Variants in TMEM30A observed in about 807,000 individuals in gnomAD.
TMEM30A encodes the protein cell cycle control protein 50A.
In TMEM30A, 24 loss-of-function variants were observed where a neutral mutation model predicts 38.2. The observed-to-expected ratio is 0.63, with a 90% CI of 0.46 to 0.88. The LOEUF is 0.88. Ranked by LOEUF, TMEM30A falls within the 40% of genes least tolerant of loss-of-function variation. The pLI is 0.00. For missense variants in TMEM30A, 370 were observed against 458.6 expected (o/e 0.81, Z 1.77); for synonymous variants, 145 against 161.6 (o/e 0.90, Z 0.78).
rs971499769 is a variant in TMEM30A at position 75,283,482 on chromosome 6, G to A, written c.237+920C>T. 2.6e-5 allele frequency among the ~76,000 whole-genome samples: 4 copies of A among 152,090 alleles called. No homozygotes were observed. In the South Asian group the frequency reaches 8.3e-4, roughly 32 times the overall value. The stretch of plus-strand genomic sequence containing the variant: ...CCTATAGAGTATATATTAATACAGT[G>A]TACTGTCAACCGTCTTCGCCCCTGC... On this transcript the variant is annotated intron_variant, in intron 1 of 6. Coordinates refer to ENST00000230461, the MANE Select transcript of TMEM30A (RefSeq NM_018247.4).
chr6:75,277,307 A>G (rs886896912), intron 1 of TMEM30A, among the ~76,000 whole-genome samples: 10 of 912 alleles, frequency 0.011, no homozygotes, highest in African/African-American at 0.046. Flanking sequence ...TCCTCATCCA[A>G]AAAAAAAAAA....
At chr6:75,258,522 T>TA (rs1387992897) in intron 6 of TMEM30A, among the ~76,000 whole-genome samples, 1 of 152,176 alleles carries the variant, frequency 6.6e-6, no homozygotes, top group East Asian at 1.9e-4. Flanking sequence ...CCTAGCTTGT[T>TA]AATAAAACAA....
At chr6:75,262,840 G>T (rs1771995352) in intron 3 of TMEM30A, among the ~76,000 whole-genome samples, 1 of 152,250 alleles carries the variant, frequency 6.6e-6, no homozygotes, top group African/African-American at 2.4e-5. Context: ...TAAGAGCCAT[G>T]ATGAAGATGT....
chr6:75,262,157 G>A (rs1402416637), intron 3 of TMEM30A, among the ~76,000 whole-genome samples: 1 of 151,908 alleles, frequency 6.6e-6, no homozygotes. Context: ...GATAAGCCTG[G>A]GCAACATGGC....
rs1772049979 is a variant in TMEM30A at position 75,265,321 on chromosome 6, A to G, written c.363T>C (p.Tyr121=). The G allele has an allele frequency of 6.2e-7, 1 of 1,603,918 alleles. No individual in the cohort carries two copies. Among genetic ancestry groups the G allele is most frequent in the African/African-American group, 1.3e-5 (1 of 74,474 alleles). Residue 121 remains tyrosine (Y), a synonymous_variant, in exon 3 of 7, where the codon TAT becomes TAC. Transcript: ENST00000230461. ...TTTGATAGAAATTAGACAGTCCATA[A>G]TACATAAACACGTTGCCCTAGAGAA... is the stretch of plus-strand genomic sequence containing the variant. ...EKSFEGNVFM[Y]YGLSNFYQNH...
At chr6:75,279,521 T>A (rs1184110968) in intron 1 of TMEM30A, among the ~76,000 whole-genome samples, 1 of 152,154 alleles carries the variant, frequency 6.6e-6, no homozygotes, top group East Asian at 1.9e-4. Flanking sequence ...AATTAATGCT[T>A]ACTAACGTCA....
rs1771831358 is a variant in TMEM30A, at chr6:75,254,227, G to C, written c.*1875C>G. On this transcript the variant is annotated 3_prime_UTR_variant, in exon 7 of 7. Transcript: ENST00000230461. The stretch of plus-strand genomic sequence containing the variant: ...CAACTTTTCTTTAGCGACATCCTCT[G>C]TGCCCCAGTTAGAAAAAGAGTTGCA... 6.6e-6 allele frequency: 1 copy of C among 152,048 alleles called. No individual in the cohort carries two copies. Among genetic ancestry groups the C allele is most frequent in the African/African-American group, 2.4e-5 (1 of 41,412 alleles). 9.4% of individuals were successfully genotyped at this position (152,048 alleles called of 1,614,324 possible).
chr6:75,270,101 G>GCTGAGT (rs1385833353), intron 1 of TMEM30A, among the ~76,000 whole-genome samples: 2 of 152,140 alleles, frequency 1.3e-5, no homozygotes, highest in African/African-American at 4.8e-5. Context: ...ACTGCGCCCA[G>GCTGAGT]CTGAGTATGT....
In TMEM30A at chr6:75,284,671, G is replaced by A. The variant is rs1183165830; in HGVS notation, c.-33C>T. ...TGGGGCGCCGCTCCGCGATTTGCAG[G>A]TGGACCACCCAGGGGGCCCGCCGGC... is the stretch of plus-strand genomic sequence containing the variant. On this transcript the variant is annotated 5_prime_UTR_variant, in exon 1 of 7. Coordinates refer to ENST00000230461, the MANE Select transcript of TMEM30A (RefSeq NM_018247.4). The A allele has an allele frequency of 1.9e-6, 3 of 1,606,324 alleles. No individual in the cohort carries two copies. Among genetic ancestry groups the A allele is most frequent in the South Asian group, 1.1e-5 (1 of 91,020 alleles).
chr6:75,276,315 C>A (rs903722076), intron 1 of TMEM30A, among the ~76,000 whole-genome samples: 1 of 152,178 alleles, frequency 6.6e-6, no homozygotes, highest in Non-Finnish European at 1.5e-5. Context: ...AAAGCAAACT[C>A]AAGGAGGGCG....
intron 3 of TMEM30A, among the ~76,000 whole-genome samples, chr6:75,264,684 C>G (rs773987746): frequency 2.6e-5 from 4 of 151,786 alleles, no homozygotes; most frequent in Non-Finnish European, 4.4e-5. Context: ...TAGGCACTAA[C>G]CACTAATATG....
chr6:75,284,098 C>T, intron 1 of TMEM30A: 1 of 406,388 alleles, frequency 2.5e-6, no homozygotes. Flanking sequence ...ACCACACAAA[C>T]CGCCCACTGA....
intron 1 of TMEM30A, among the ~76,000 whole-genome samples, chr6:75,269,519 CCA>C (rs1319967055): frequency 3.9e-5 from 6 of 152,150 alleles, no homozygotes; most frequent in African/African-American, 1.4e-4. Context: ...TGTGGATGTG[CCA>C]CAGTTTATTG....
chr6:75,271,076 C>T (rs1249730865), intron 1 of TMEM30A, among the ~76,000 whole-genome samples: 1 of 151,748 alleles, frequency 6.6e-6, no homozygotes, highest in African/African-American at 2.4e-5. Flanking sequence ...TTCAGAAAAA[C>T]AAACTATATT....
At chr6:75,284,223 C>T in intron 1 of TMEM30A, 179 bp downstream of exon 1, 1 of 674,520 alleles carries the variant, frequency 1.5e-6, no homozygotes, top group Non-Finnish European at 2.6e-6. Context: ...GACAAACCTG[C>T]AAATTCAGGA....
chr6:75,271,133 TA>T (rs1291466437), intron 1 of TMEM30A, among the ~76,000 whole-genome samples: 1 of 150,962 alleles, frequency 6.6e-6, no homozygotes, highest in Admixed American at 6.6e-5. Context: ...ATCTAAGCAT[TA>T]AAAAAAAAGT....
At chr6:75,280,137 T>C (rs1562400543) in intron 1 of TMEM30A, among the ~76,000 whole-genome samples, 1 of 152,200 alleles carries the variant, frequency 6.6e-6, no homozygotes, top group Non-Finnish European at 1.5e-5. Context: ...CCAATATTAA[T>C]GGTAAATTTT....
At chr6:75,274,503 C>A (rs1772227061) in intron 1 of TMEM30A, among the ~76,000 whole-genome samples, 2 of 152,114 alleles carry the variant, frequency 1.3e-5, no homozygotes, top group African/African-American at 4.8e-5. Flanking sequence ...CACAATAATC[C>A]AGGTGAAAAA....
chr6:75,256,406 T>C, intron 6 of TMEM30A, 111 bp from the exon 7 acceptor site: 1 of 846,644 alleles, frequency 1.2e-6, no homozygotes, highest in South Asian at 1.8e-5. Context: ...TTCTAGGATA[T>C]ACAGGTACCT....
Sources: gnomAD v4.1 joint callset for allele counts (sites outside exome capture counted in the v4.1 genomes callset) on GRCh38, gnomAD v4.1.1 for gene constraint, MANE v1.5 for transcripts, NCBI Gene and HGNC (gene_info 2026-07-23, HGNC 2026-07-21) for gene names.